The following FKBP6 variants were observed in gnomAD, a reference collection of about 807,000 sequenced individuals.
FKBP6 encodes the protein FKBP prolyl isomerase family member 6 (inactive), also known as inactive peptidyl-prolyl cis-trans isomerase FKBP6.
FKBP6 carries 29 observed loss-of-function variants against 41.7 expected under a neutral mutation model. The ratio of observed to expected loss-of-function variants is 0.70; its 90% CI spans 0.52 to 0.95. FKBP6 has a LOEUF of 0.95. Among genes scored for constraint, FKBP6 ranks in the 40% least tolerant of loss-of-function variants. The pLI is 0.00. For missense variants in FKBP6, 338 were observed against 408.7 expected, an observed-to-expected ratio of 0.83 and a Z score of 1.49; for synonymous variants, 130 against 165.1, an observed-to-expected ratio of 0.79 and a Z score of 1.63.
Position 73,330,332 on chromosome 7 carries a change from A to G in FKBP6, c.448A>G (p.Lys150Glu), listed in dbSNP as rs1199831840. ...CTTCCTGGACTGTGCTGAGTCAGAC[A>G]AGTTTTGTGCTCTCTCAGCTGTAAG... is the stretch of plus-strand genomic sequence containing the variant. The part of the protein sequence containing the change: ...LDFLDCAESD[K>E]FCALSAEQQD... The change falls in exon 4 of 9, where the codon AAG becomes GAG. Residue 150 changes from lysine to glutamate, a missense_variant. Physicochemically the swap from Lys to Glu is moderately conservative, Grantham distance 56. Around this residue, in one of 2 missense-constraint regions of FKBP6, gnomAD observed 239 missense variants for 250.1 expected, o/e 0.96. Transcript: ENST00000252037. The G allele has an allele frequency of 1.2e-6, 2 of 1,613,822 alleles. No individual in the cohort carries two copies. Among genetic ancestry groups the G allele is most frequent in the East Asian group, 4.5e-5 (2 of 44,870 alleles).
In FKBP6 at chr7:73,340,656, C is replaced by T. The variant is rs201318712; in HGVS notation, c.607C>T (p.Arg203Trp). Residue 203 changes from arginine to tryptophan, a missense_variant, in exon 6 of 9, where the codon CGG becomes TGG. Arg to Trp is a moderately radical substitution (Grantham distance 101, BLOSUM62 -3). Coordinates refer to ENST00000252037, the MANE Select transcript of FKBP6 (RefSeq NM_003602.5). ...RYKRALLLLR[R>W]RSAPPEEQHL... ...TCCACAGGCCCTATTGCTTCTGCGCCGGCGATCAGCACCCCCTGAAGAGCA... is the reference window on the plus strand; with the variant it reads ...TCCACAGGCCCTATTGCTTCTGCGCTGGCGATCAGCACCCCCTGAAGAGCA... The T allele has an allele frequency of 4.1e-4, 657 of 1,613,634 alleles. 14 individuals are homozygous for T. In the South Asian group the frequency reaches 6.6e-3, roughly 16 times the overall value.
At chr7:73,333,906 T>C (rs924921729) in intron 5 of FKBP6, among the ~76,000 whole-genome samples, 74 of 152,256 alleles carry the variant, frequency 4.9e-4, no homozygotes, top group African/African-American at 1.8e-3. Flanking sequence ...ACCCCGTCTC[T>C]ACTAAAAATA....
At chr7:73,332,816 T>C (rs1804889331) in intron 5 of FKBP6, among the ~76,000 whole-genome samples, 1 of 152,212 alleles carries the variant, frequency 6.6e-6, no homozygotes, top group South Asian at 2.1e-4. Flanking sequence ...CCAACCGATT[T>C]CTCCACCCCT....
At chr7:73,331,319 T>C (rs1397963837) in intron 4 of FKBP6, among the ~76,000 whole-genome samples, 2 of 152,214 alleles carry the variant, frequency 1.3e-5, no homozygotes, top group Non-Finnish European at 2.9e-5. Context: ...GGGACACTGC[T>C]TCCTCAGAGA....
chr7:73,344,049 C>G (rs1178607116), intron 8 of FKBP6, among the ~76,000 whole-genome samples: 1 of 152,200 alleles, frequency 6.6e-6, no homozygotes, highest in Non-Finnish European at 1.5e-5. Flanking sequence ...CATGTGAACC[C>G]TGGCCTTCAG....
intron 5 of FKBP6, chr7:73,336,835 A>G (rs1262721237): frequency 4.4e-6 from 2 of 456,090 alleles, no homozygotes. Context: ...GAGTTGTGCA[A>G]ATAGAAGAAA....
intron 7 of FKBP6, among the ~76,000 whole-genome samples, chr7:73,342,369 A>G (rs1451527228): frequency 6.6e-6 from 1 of 152,186 alleles, no homozygotes; most frequent in Non-Finnish European, 1.5e-5. Context: ...GCTTGGCATT[A>G]GTGTCTGAGA....
At chr7:73,339,096 AT>A (rs1805093953) in intron 5 of FKBP6, 3 of 152,244 alleles carry the variant, frequency 2.0e-5, no homozygotes, top group Non-Finnish European at 1.5e-5. Context: ...TTTTAAAAAA[AT>A]ATATGAAATG....
At chr7:73,354,498 G>A (rs970076463) in intron 8 of FKBP6, among the ~76,000 whole-genome samples, 14 of 152,236 alleles carry the variant, frequency 9.2e-5, no homozygotes, top group Admixed American at 1.3e-4. Context: ...CAGCAGGCCG[G>A]AGGACTGCCG....
intron 8 of FKBP6, among the ~76,000 whole-genome samples, chr7:73,347,974 TAC>T (rs1265403191): frequency 2.0e-5 from 3 of 152,206 alleles, no homozygotes; most frequent in Non-Finnish European, 4.4e-5. Flanking sequence ...CATCTAAAAT[TAC>T]ACAGTAGCAT....
intron 4 of FKBP6, 63 bp downstream of exon 4, chr7:73,330,415 A>G (rs1804801936): frequency 5.4e-6 from 7 of 1,306,852 alleles, no homozygotes; most frequent in Non-Finnish European, 7.7e-6. Flanking sequence ...TGTTATTGGT[A>G]ATTCTTCTAG....
chr7:73,343,857 G>T (rs1805265090), intron 8 of FKBP6, among the ~76,000 whole-genome samples: 1 of 152,220 alleles, frequency 6.6e-6, no homozygotes, highest in Non-Finnish European at 1.5e-5. Context: ...GGCTCATGGT[G>T]ATAAATCTCT....
At position 73,341,279 on chromosome 7, in the gene FKBP6, CT is replaced by C; in HGVS notation, c.792del (p.Leu265SerfsTer2). On this transcript the variant is annotated frameshift_variant, in exon 7 of 9. Coordinates refer to ENST00000252037, the MANE Select transcript of FKBP6 (RefSeq NM_003602.5). LOFTEE classifies it high-confidence loss of function. ...AGTTCTCTCCTTGGGACAGGCTTGTCTTCTCCTGACTGAGTATCAAAAGGCC... is the reference window on the plus strand; with the variant it reads ...AGTTCTCTCCTTGGGACAGGCTTGTCTCTCCTGACTGAGTATCAAAAGGCC... Reference protein sequence around the residue: ...KALFRCGQACLLLTEYQKARD... With the variant: ...KALFRCGQACXLLTEYQKARD... The C allele has an allele frequency of 6.2e-7, 1 of 1,608,336 alleles. No homozygotes were observed. Among genetic ancestry groups the C allele is most frequent in the Non-Finnish European group, 8.5e-7 (1 of 1,174,710 alleles).
chr7:73,330,027 A>G (rs1384048546), intron 3 of FKBP6, 123 bp from the exon 4 acceptor site: 2 of 743,404 alleles, frequency 2.7e-6, no homozygotes, highest in Admixed American at 2.0e-5. Flanking sequence ...CATTGCAGGA[A>G]GAGGGAACTG....
At chr7:73,349,914 C>G (rs373895168) in intron 8 of FKBP6, among the ~76,000 whole-genome samples, 15 of 151,988 alleles carry the variant, frequency 9.9e-5, no homozygotes, top group East Asian at 3.9e-4. Context: ...CTTCCCTTGT[C>G]CCATGGTTGG....
At chr7:73,346,272 A>G (rs540145837) in intron 8 of FKBP6, among the ~76,000 whole-genome samples, 2 of 152,328 alleles carry the variant, frequency 1.3e-5, no homozygotes, top group East Asian at 3.9e-4. Context: ...GTCTCCTGCC[A>G]TCCCTGTGGG....
chr7:73,356,297 A>G (rs1805630723), intron 8 of FKBP6, among the ~76,000 whole-genome samples: 1 of 152,178 alleles, frequency 6.6e-6, no homozygotes, highest in Admixed American at 6.5e-5. Context: ...GAGATTAGAT[A>G]GACACACAGA....
chr7:73,331,828 GT>G (rs1554547748), intron 5 of FKBP6, 52 bp downstream of exon 5: 2 of 1,568,896 alleles, frequency 1.3e-6, no homozygotes, highest in East Asian at 4.5e-5. Context: ...AAACTTCCTT[GT>G]TTAAAAAACA....
intron 7 of FKBP6, 81 bp from the exon 8 acceptor site, chr7:73,342,726 G>A: frequency 1.1e-6 from 1 of 943,010 alleles, no homozygotes; most frequent in Non-Finnish European, 1.8e-6. Context: ...GTTTCTGGAT[G>A]TGAGTGGAGA....
Sources: gnomAD v4.1 joint callset for allele counts (sites outside exome capture counted in the v4.1 genomes callset) on GRCh38, gnomAD v4.1.1 for gene constraint, gnomAD v4.1.1 regional missense constraint, MANE v1.5 for transcripts, NCBI Gene and HGNC (gene_info 2026-07-23, HGNC 2026-07-21) for gene names.